Variants in PCSK1N observed in about 807,000 individuals in gnomAD.
The protein encoded by PCSK1N is proprotein convertase subtilisin/kexin type 1 inhibitor.
A neutral mutation model predicts 10.6 loss-of-function variants in PCSK1N; 8 were observed. The observed-to-expected ratio is 0.76, with a 90% confidence interval of 0.44 to 1.37. The LOEUF is 1.37. Among genes scored for constraint, PCSK1N ranks in the 40% most tolerant of loss-of-function variants. The probability of loss-of-function intolerance (pLI) is 0.00; values close to 1 mark genes in which losing one functional copy is unlikely to be tolerated. For synonymous variants in PCSK1N, 143 were observed against 137.1 expected (o/e 1.04, Z -0.30); for missense variants, 301 against 268.5 (o/e 1.12, Z -0.84).
Position 48,832,359 on chromosome X carries a change from G to T in PCSK1N, c.115-18C>A. 9.2e-7 allele frequency: 1 copy of T among 1,089,948 alleles called. No homozygotes were observed. Among genetic ancestry groups the T allele is most frequent in the African/African-American group, 1.9e-5 (1 of 52,080 alleles). 89.8% of individuals were successfully genotyped at this position (1,089,948 alleles called of 1,213,427 possible). A position where few individuals can be genotyped will look rare whatever the true frequency, so the allele number is the denominator to read the frequency against. On this transcript the variant is annotated intron_variant, in intron 1 of 2. Transcript: ENST00000218230. Reference sequence around the variant, plus strand: ...CGGGGCTCCTGCGGGAAAATGAGGTGGGGGAAAAGAGTTTGTCAGCGTCCG... The same window carrying T: ...CGGGGCTCCTGCGGGAAAATGAGGTTGGGGAAAAGAGTTTGTCAGCGTCCG...
At chrX:48,835,293 C>G (rs2063183401) in intron 1 of PCSK1N, 126 bp downstream of exon 1, 1 of 321,882 alleles carries the variant, frequency 3.1e-6, no homozygotes, top group Admixed American at 6.5e-5. Flanking sequence ...CCGGGCCACC[C>G]TCGTCGATCT....
rs1190204863 is a variant in PCSK1N at position 48,831,279 on chromosome X, C to T, written c.764G>A (p.Arg255His). The change falls in exon 3 of 3, where the codon CGC (arginine) becomes CAC (histidine). Residue 255 changes from arginine (R) to histidine (H), a missense_variant. Physicochemically the swap from Arg to His is conservative, Grantham distance 29 (BLOSUM62 0). Transcript: ENST00000218230. ...CAGTGCTCAGGGTGGCAAGAGGCGG[C>T]GTGCAGGCACCTGGGGCGCCGGGGT... ...LETPAPQVPA[R>H]RLLPP The T allele has an allele frequency of 3.4e-6, 4 of 1,182,356 alleles. No individual in the cohort carries two copies. Among genetic ancestry groups the T allele is most frequent in the African/African-American group, 3.6e-5 (2 of 55,839 alleles).
intron 2 of PCSK1N, 95 bp from the exon 3 acceptor site, chrX:48,831,550 A>C: frequency 2.9e-6 from 2 of 679,186 alleles, no homozygotes; most frequent in Non-Finnish European, 4.1e-6. Flanking sequence ...CCACAACCAC[A>C]TACTGCCTGG....
In PCSK1N at chrX:48,831,171, T is replaced by G; in HGVS notation, c.*89A>C. On this transcript the variant is annotated 3_prime_UTR_variant, in exon 3 of 3. Transcript: ENST00000218230. ...AGAGGGCTGGCTGGCCGGGGTAAGT[T>G]GCTCTGGACGTGCTGGCGGGGAGCA... is the stretch of plus-strand genomic sequence containing the variant. 9 of 788,512 alleles carry G rather than the reference T, an allele frequency of 1.1e-5. No homozygotes were observed. The highest frequency in any genetic ancestry group is 1.4e-5 in the Non-Finnish European group (8 of 573,699). 65.0% of individuals were successfully genotyped at this position (788,512 alleles called of 1,213,427 possible).
chrX:48,832,290 G>A lies in PCSK1N; in HGVS notation c.166C>T (p.Pro56Ser), dbSNP rs1557033632. ...GGCACTGACCGCCGGAAGCGGCGAG[G>A]AGCGCCAGTCTCAGCCAAGGGCGGA... ...ASPPLAETGA[P>S]RRFRRSVPRG... Residue 56 changes from proline to serine, a missense_variant, in exon 2 of 3, where the codon CCT becomes TCT. Coordinates refer to ENST00000218230, the MANE Select transcript of PCSK1N (RefSeq NM_013271.5). 2 of 1,149,293 alleles carry A rather than the reference G, an allele frequency of 1.7e-6. No homozygotes were observed. Among genetic ancestry groups the A allele is most frequent in the African/African-American group, 1.8e-5 (1 of 54,765 alleles). 94.7% of individuals were successfully genotyped at this position (1,149,293 alleles called of 1,213,427 possible). A position where few individuals can be genotyped will look rare whatever the true frequency, so the allele number is the denominator to read the frequency against.
chrX:48,835,517 G>A lies in PCSK1N; in HGVS notation c.16C>T (p.Leu6=). 1 of 917,445 alleles carries A rather than the reference G, an allele frequency of 1.1e-6. No homozygotes were observed. The allele number at this position is 917,445 out of a possible 1,213,427, so 75.6% of individuals were successfully genotyped here. A position where few individuals can be genotyped will look rare whatever the true frequency, so the allele number is the denominator to read the frequency against. MAGSP[L]LWGPRAGGVG... is the part of the protein sequence containing the mutation. ...CCCCCGGCCCGCGGCCCCCAGAGCA[G>A]CGGCGACCCCGCCATGCTGCCCCAG... Residue 6 remains leucine, a synonymous_variant, in exon 1 of 3, where the codon CTG becomes TTG. Transcript: ENST00000218230.
At chrX:48,835,393 C>T in intron 1 of PCSK1N, 26 bp downstream of exon 1, 2 of 716,056 alleles carry the variant, frequency 2.8e-6, no homozygotes, top group Non-Finnish European at 3.6e-6. Flanking sequence ...CCCCAACCCC[C>T]ACCCCTCGCC....
rs1557034047 is a variant in PCSK1N, at chrX:48,835,491, GC to G, written c.41del (p.Gly14AlafsTer24). On this transcript the variant is annotated frameshift_variant, in exon 1 of 3. Transcript: ENST00000218230. LOFTEE classifies it high-confidence loss of function. ...GCAGCAGCAGCACCAAAAGGCCGAC[GC>G]CCCCGGCCCGCGGCCCCCAGAGCAG... is the stretch of plus-strand genomic sequence containing the variant. ...SPLLWGPRAG[G>X]VGLLVLLLLG... 6 of 956,084 alleles carry G rather than the reference GC, an allele frequency of 6.3e-6. No homozygotes were observed. The highest frequency in any genetic ancestry group is 2.0e-5 in the African/African-American group (1 of 49,634). The allele number at this position is 956,084 out of a possible 1,213,427, so 78.8% of individuals were successfully genotyped here. A position where few individuals can be genotyped will look rare whatever the true frequency, so the allele number is the denominator to read the frequency against.
chrX:48,834,566 C>T (rs2063181341), intron 1 of PCSK1N: 11 of 744,984 alleles, frequency 1.5e-5, no homozygotes, highest in Non-Finnish European at 1.7e-5. Flanking sequence ...CGCCAAGCCA[C>T]CCAGGTGCAA....
chrX:48,832,489 C>T, intron 1 of PCSK1N, 148 bp from the exon 2 acceptor site: 2 of 422,604 alleles, frequency 4.7e-6, no homozygotes. Context: ...CCCCTAAGGC[C>T]ACTGGAAACC....
Position 48,832,133 on chromosome X carries a change from T to C in PCSK1N, c.323A>G (p.Gln108Arg). 1 of 1,129,229 alleles carries C rather than the reference T, an allele frequency of 8.9e-7. No individual in the cohort carries two copies. The highest frequency in any genetic ancestry group is 1.2e-6 in the Non-Finnish European group (1 of 862,386). 93.1% of individuals were successfully genotyped at this position (1,129,229 alleles called of 1,213,427 possible). A position where few individuals can be genotyped will look rare whatever the true frequency, so the allele number is the denominator to read the frequency against. The change falls in exon 2 of 3, where the codon CAG becomes CGG. Residue 108 changes from glutamine to arginine, a missense_variant. Gln to Arg is a conservative substitution (Grantham distance 43). Coordinates refer to ENST00000218230, the MANE Select transcript of PCSK1N (RefSeq NM_013271.5). ...AEDQQARVLA[Q>R]LLRVWGAPRN... ...GGGGGCGCCCCAGACGCGCAGCAGCTGCGCCAGGACGCGCGCCTGCTGATC... is the reference window on the plus strand; with the variant it reads ...GGGGGCGCCCCAGACGCGCAGCAGCCGCGCCAGGACGCGCGCCTGCTGATC...
At position 48,831,223 on chromosome X, in the gene PCSK1N, C is replaced by T; in HGVS notation, c.*37G>A. 9.1e-7 allele frequency: 1 copy of T among 1,104,397 alleles called. No individual in the cohort carries two copies. Among genetic ancestry groups the T allele is most frequent in the Non-Finnish European group, 1.2e-6 (1 of 832,964 alleles). The allele number at this position is 1,104,397 out of a possible 1,213,427, so 91.0% of individuals were successfully genotyped here. A position where few individuals can be genotyped will look rare whatever the true frequency, so the allele number is the denominator to read the frequency against. ...TCCTGGTGGCGGGATGGCGGGGGCA[C>T]TTCTGGGTCCCAGGGTGCACGGGAT... On this transcript the variant is annotated 3_prime_UTR_variant, in exon 3 of 3. Transcript: ENST00000218230.
rs781944303 is a variant in PCSK1N, at chrX:48,832,214, T to C, written c.242A>G (p.His81Arg). ...CTCCTGACGTTCGGCCTCCAGCAGA[T>C]GCGCCAGCGCCCGCGCCAGCTCCTG... Reference protein sequence around the residue: ...AVQELARALAHLLEAERQERA... With the variant: ...AVQELARALARLLEAERQERA... The change falls in exon 2 of 3, where the codon CAT (histidine) becomes CGT (arginine). Residue 81 changes from histidine (H) to arginine (R), a missense_variant. His to Arg is a conservative substitution (Grantham distance 29). Coordinates refer to ENST00000218230, the MANE Select transcript of PCSK1N (RefSeq NM_013271.5). 3 of 1,156,866 alleles carry C rather than the reference T, an allele frequency of 2.6e-6. No homozygotes were observed. The highest frequency in any genetic ancestry group is 2.5e-5 in the Admixed American group (1 of 40,734).
In PCSK1N at chrX:48,835,447, G is replaced by A; in HGVS notation, c.86C>T (p.Pro29Leu). The change falls in exon 1 of 3, where the codon CCC becomes CTC. Residue 29 changes from proline to leucine, a missense_variant. Transcript: ENST00000218230. The part of the protein sequence containing the change: ...VLLLLGLFRP[P>L]PALCARPVKE... The stretch of plus-strand genomic sequence containing the variant: ...TACCGGCCGCGCGCAGAGCGCGGGG[G>A]GCGGCCGAAACAGGCCGAGCAGCAG... 1 of 960,826 alleles carries A rather than the reference G, an allele frequency of 1.0e-6. No individual in the cohort carries two copies. The highest frequency in any genetic ancestry group is 1.3e-6 in the Non-Finnish European group (1 of 765,456). 79.2% of individuals were successfully genotyped at this position (960,826 alleles called of 1,213,427 possible).
Position 48,831,377 on chromosome X carries a change from G to C in PCSK1N, c.666C>G (p.Ala222=). Residue 222 remains alanine (A), a synonymous_variant, in exon 3 of 3, where the codon GCC becomes GCG. Transcript: ENST00000218230. ...GCAGCTCAGAGCCCACATCGTGGTC[G>C]GCGGCACGGCGGAGGCGGCGCGGGG... The part of the protein sequence containing the change: ...VAAPRRLRRA[A]DHDVGSELPP... The C allele has an allele frequency of 1.8e-6, 2 of 1,113,372 alleles. No individual in the cohort carries two copies. The allele number at this position is 1,113,372 out of a possible 1,213,427, so 91.8% of individuals were successfully genotyped here.
Position 48,831,162 on chromosome X carries a change from G to A in PCSK1N, c.*98C>T. Reference sequence around the variant, plus strand: ...CCTCGGGTGAGAGGGCTGGCTGGCCGGGGTAAGTTGCTCTGGACGTGCTGG... The same window carrying A: ...CCTCGGGTGAGAGGGCTGGCTGGCCAGGGTAAGTTGCTCTGGACGTGCTGG... On this transcript the variant is annotated 3_prime_UTR_variant, in exon 3 of 3. Coordinates refer to ENST00000218230, the MANE Select transcript of PCSK1N (RefSeq NM_013271.5). 2 of 703,956 alleles carry A rather than the reference G, an allele frequency of 2.8e-6. No individual in the cohort carries two copies. Among genetic ancestry groups the A allele is most frequent in the African/African-American group, 2.3e-5 (1 of 44,127 alleles). The allele number at this position is 703,956 out of a possible 1,213,427, so 58.0% of individuals were successfully genotyped here.
rs781908495 is a variant in PCSK1N at position 48,831,256 on chromosome X, G to A, written c.*4C>T. 1 of 1,175,791 alleles carries A rather than the reference G, an allele frequency of 8.5e-7. No homozygotes were observed. The highest frequency in any genetic ancestry group is 3.2e-5 in the East Asian group (1 of 31,440). The stretch of plus-strand genomic sequence containing the variant: ...TCCCAGGGTGCACGGGATCCGGGCA[G>A]TGCTCAGGGTGGCAAGAGGCGGCGT... On this transcript the variant is annotated 3_prime_UTR_variant, in exon 3 of 3. Transcript: ENST00000218230.
At position 48,831,932 on chromosome X, in the gene PCSK1N, G is replaced by A. The variant is rs782519724; in HGVS notation, c.524C>T (p.Pro175Leu). ...RPRPPVYDDG[P>L]AGPDAEEAGD... ...TGCCTCCTCAGCATCCGGGCCCGCG[G>A]GGCCGTCGTCGTAGACCGGGGGCCG... Residue 175 changes from proline to leucine, a missense_variant, in exon 2 of 3, where the codon CCC becomes CTC. Coordinates refer to ENST00000218230, the MANE Select transcript of PCSK1N (RefSeq NM_013271.5). 4.4e-5 allele frequency: 48 copies of A among 1,080,547 alleles called. No individual in the cohort carries two copies. The South Asian group carries it at 1.1e-3, about 24-fold the overall frequency. 89.0% of individuals were successfully genotyped at this position (1,080,547 alleles called of 1,213,427 possible). A position where few individuals can be genotyped will look rare whatever the true frequency, so the allele number is the denominator to read the frequency against.
rs1391790633 is a variant in PCSK1N at position 48,832,106 on chromosome X, C to A, written c.350G>T (p.Arg117Leu). ...CAGGCCCAGAGCCGGATCAGAGTTGCGGGGGGCGCCCCAGACGCGCAGCAG... is the reference window on the plus strand; with the variant it reads ...CAGGCCCAGAGCCGGATCAGAGTTGAGGGGGGCGCCCCAGACGCGCAGCAG... Reference protein sequence around the residue: ...AQLLRVWGAPRNSDPALGLDD... With the variant: ...AQLLRVWGAPLNSDPALGLDD... Residue 117 changes from arginine to leucine, a missense_variant, in exon 2 of 3, where the codon CGC becomes CTC. By Grantham distance (102) the Arg-to-Leu change is moderately radical (BLOSUM62 -2). Transcript: ENST00000218230. The A allele has an allele frequency of 8.9e-5, 100 of 1,122,661 alleles. No individual in the cohort carries two copies. The highest frequency in any genetic ancestry group is 1.2e-4 in the Non-Finnish European group (100 of 859,595). The allele number at this position is 1,122,661 out of a possible 1,213,427, so 92.5% of individuals were successfully genotyped here. A position where few individuals can be genotyped will look rare whatever the true frequency, so the allele number is the denominator to read the frequency against.
Sources: allele counts gnomAD v4.1 joint callset, GRCh38; gene constraint gnomAD v4.1.1; transcripts MANE v1.5; gene names NCBI Gene and HGNC (gene_info 2026-07-23, HGNC 2026-07-21).